SFMBT1: variants seen among roughly 807,000 people sequenced by gnomAD.
SFMBT1 encodes the protein Scm like with four mbt domains 1.
Under a neutral mutation model 108.7 loss-of-function variants are expected in SFMBT1, and 32 were observed. That is an observed-to-expected ratio of 0.29 (90% CI 0.22 to 0.40). SFMBT1 has a LOEUF of 0.40. SFMBT1 is among the 10% of genes least tolerant of loss of function. The probability of loss-of-function intolerance (pLI) is 1.00; values close to 1 mark genes in which losing one functional copy is unlikely to be tolerated. For missense variants in SFMBT1, 816 were observed against 1,059.6 expected, an observed-to-expected ratio of 0.77 and a Z score of 3.19; for synonymous variants, 348 against 369.5, an observed-to-expected ratio of 0.94 and a Z score of 0.67.
chr3:53,041,325 T>C (rs530797540), intron 1 of SFMBT1, among the ~76,000 whole-genome samples: 133 of 152,266 alleles, frequency 8.7e-4, no homozygotes, highest in African/African-American at 3.1e-3. Flanking sequence ...TAATAATGTG[T>C]CAGTGTTCTT....
chr3:53,024,916 G>A (rs1225034665), intron 1 of SFMBT1, among the ~76,000 whole-genome samples: 1 of 152,022 alleles, frequency 6.6e-6, no homozygotes, highest in Non-Finnish European at 1.5e-5. Context: ...AAAGGCTTTG[G>A]CCATTATATA....
intron 1 of SFMBT1, among the ~76,000 whole-genome samples, chr3:52,970,101 A>C (rs76068204): frequency 7.0e-6 from 1 of 143,172 alleles, no homozygotes; most frequent in East Asian, 2.0e-4. Flanking sequence ...ACACTGTCTC[A>C]AAAAAAAAAA....
intron 2 of SFMBT1, among the ~76,000 whole-genome samples, chr3:52,959,660 G>A (rs1445405408): frequency 6.6e-6 from 1 of 152,082 alleles, no homozygotes; most frequent in South Asian, 2.1e-4. Context: ...TCCATCTTTA[G>A]GCTCTGCTTC....
At chr3:52,969,374 A>G (rs1704264151) in intron 1 of SFMBT1, 116 bp from the exon 2 acceptor site, 1 of 1,063,744 alleles carries the variant, frequency 9.4e-7, no homozygotes, top group African/African-American at 1.6e-5. Flanking sequence ...ATACTGGCAG[A>G]ATAGATAGGA....
chr3:53,029,606 G>A (rs1699612957), intron 1 of SFMBT1, among the ~76,000 whole-genome samples: 2 of 152,208 alleles, frequency 1.3e-5, no homozygotes. Context: ...AATCCTTGCT[G>A]CTGCAATTTT....
At position 52,955,365 on chromosome 3, in the gene SFMBT1, A is replaced by G. The variant is rs969355313; in HGVS notation, c.29-954T>C. On this transcript the variant is annotated intron_variant, in intron 2 of 20. Coordinates refer to ENST00000394752, the MANE Select transcript of SFMBT1 (RefSeq NM_016329.4). The stretch of plus-strand genomic sequence containing the variant: ...GAGGCAGAGGTTGCAGTGAGCCGAG[A>G]TCGTGCCAGTGCACTCCAGCCTGGG... Among the ~76,000 whole-genome samples, 46 of 152,200 alleles carry G rather than the reference A, an allele frequency of 3.0e-4. No individual in the cohort carries two copies. The East Asian group carries it at 4.4e-3, about 15-fold the overall frequency.
chr3:52,936,751 A>G (rs1703019495), intron 4 of SFMBT1, among the ~76,000 whole-genome samples: 2 of 152,190 alleles, frequency 1.3e-5, no homozygotes, highest in African/African-American at 4.8e-5. Context: ...TTCAGTGTCT[A>G]GAGTTAATGC....
chr3:52,928,609 C>CATATATATACAT (rs1702740901), intron 8 of SFMBT1: 4 of 75,536 alleles, frequency 5.3e-5, no homozygotes, highest in African/African-American at 1.6e-4. Context: ...TACATATATA[C>CATATATATACAT]ATATATATAC....
At chr3:53,040,576 C>A (rs1462225725) in intron 1 of SFMBT1, among the ~76,000 whole-genome samples, 2 of 150,732 alleles carry the variant, frequency 1.3e-5, no homozygotes, top group South Asian at 2.1e-4. Context: ...TTTCTCTAGA[C>A]TAAGCAAAAA....
intron 16 of SFMBT1, 144 bp from the exon 17 acceptor site, chr3:52,911,322 A>G: frequency 1.4e-6 from 1 of 697,572 alleles, no homozygotes; most frequent in Non-Finnish European, 2.2e-6. Flanking sequence ...TGAAAACAAC[A>G]AGGAAGTTCT....
chr3:52,929,870 G>T (rs1702804947), intron 8 of SFMBT1, among the ~76,000 whole-genome samples: 1 of 152,192 alleles, frequency 6.6e-6, no homozygotes, highest in Non-Finnish European at 1.5e-5. Flanking sequence ...TATTCCAAAA[G>T]ATTAAATCTG....
At chr3:53,036,006 T>TGG (rs372317472) in intron 1 of SFMBT1, among the ~76,000 whole-genome samples, 35 of 152,252 alleles carry the variant, frequency 2.3e-4, no homozygotes, top group African/African-American at 8.4e-4. Flanking sequence ...TCCTTTTCCT[T>TGG]GGCAAGGTTC....
chr3:52,952,756 C>A (rs761973028), intron 3 of SFMBT1, among the ~76,000 whole-genome samples: 3 of 152,182 alleles, frequency 2.0e-5, no homozygotes, highest in Non-Finnish European at 4.4e-5. Context: ...ATGGCCGAAT[C>A]ACCTCTCCAA....
chr3:52,908,782 G>A (rs1471788093), intron 17 of SFMBT1, among the ~76,000 whole-genome samples: 1 of 151,998 alleles, frequency 6.6e-6, no homozygotes, highest in African/African-American at 2.4e-5. Context: ...TGTTGGTCAG[G>A]CTGGTCTTGA....
chr3:52,958,333 GTAAT>G (rs1559526628), intron 2 of SFMBT1, among the ~76,000 whole-genome samples: 1 of 152,226 alleles, frequency 6.6e-6, no homozygotes, highest in African/African-American at 2.4e-5. Flanking sequence ...GCTCATGCCT[GTAAT>G]CCCAGCACTT....
chr3:52,930,248 C>T, intron 8 of SFMBT1, 81 bp downstream of exon 8: 1 of 853,148 alleles, frequency 1.2e-6, no homozygotes, highest in Non-Finnish European at 2.0e-6. Context: ...ATCAATAGAG[C>T]TTAAAGATCA....
chr3:53,045,356 C>A (rs1700192843), intron 1 of SFMBT1: 2 of 140,094 alleles, frequency 1.4e-5, no homozygotes, highest in African/African-American at 2.5e-5. Context: ...CGCGGGGGCT[C>A]GGCGGGCGGA....
At chr3:52,942,414 G>A (rs1703213509) in intron 4 of SFMBT1, among the ~76,000 whole-genome samples, 1 of 152,136 alleles carries the variant, frequency 6.6e-6, no homozygotes, top group Admixed American at 6.5e-5. Context: ...GAAACACTTG[G>A]CAAAAAGTCT....
intron 3 of SFMBT1, among the ~76,000 whole-genome samples, chr3:52,952,077 C>T (rs769208028): frequency 4.6e-5 from 7 of 152,196 alleles, no homozygotes; most frequent in East Asian, 1.9e-4. Context: ...TAGTGGGACT[C>T]GCTGTGCATG....
Sources: gnomAD v4.1 joint callset for allele counts (sites outside exome capture counted in the v4.1 genomes callset) on GRCh38, gnomAD v4.1.1 for gene constraint, MANE v1.5 for transcripts, NCBI Gene and HGNC (gene_info 2026-07-23, HGNC 2026-07-21) for gene names.